The following IGFBP2 variants were observed in gnomAD, a reference collection of about 807,000 sequenced individuals.
The protein encoded by IGFBP2 is insulin-like growth factor-binding protein 2.
In IGFBP2, 12 loss-of-function variants were observed where a neutral mutation model predicts 26.2. The ratio of observed to expected loss-of-function variants is 0.46; its 90% CI spans 0.29 to 0.74. IGFBP2 has a LOEUF of 0.74. IGFBP2 is among the 30% of genes least tolerant of loss of function. IGFBP2 has a pLI of 0.09. For synonymous variants in IGFBP2, 189 were observed against 200.6 expected, an observed-to-expected ratio of 0.94 and a Z score of 0.49; for missense variants, 328 against 441.2, an observed-to-expected ratio of 0.74 and a Z score of 2.30.
At chr2:216,638,057 GCA>G (rs1212221411) in intron 1 of IGFBP2, among the ~76,000 whole-genome samples, 2 of 151,946 alleles carry the variant, frequency 1.3e-5, no homozygotes, top group African/African-American at 4.8e-5. Flanking sequence ...GCATGGTGGA[GCA>G]TGCCTGTAGT....
chr2:216,655,753 G>C (rs1386028424), intron 1 of IGFBP2, among the ~76,000 whole-genome samples: 1 of 152,000 alleles, frequency 6.6e-6, no homozygotes, highest in East Asian at 1.9e-4. Context: ...ATATTAACCA[G>C]GCGTGGTGAC....
At chr2:216,662,228 C>T (rs9341209) in intron 3 of IGFBP2, 1 of 567,548 alleles carries the variant, frequency 1.8e-6, no homozygotes, top group Admixed American at 3.1e-5. Flanking sequence ...CAGCTGCCCA[C>T]CGGCCTCACT....
intron 1 of IGFBP2, among the ~76,000 whole-genome samples, chr2:216,641,321 C>T (rs1697608869): frequency 6.6e-6 from 1 of 152,184 alleles, no homozygotes; most frequent in South Asian, 2.1e-4. Flanking sequence ...GGTGGTCTAC[C>T]ATGTACTAAT....
chr2:216,652,226 C>T (rs913431585), intron 1 of IGFBP2, among the ~76,000 whole-genome samples: 5 of 146,534 alleles, frequency 3.4e-5, no homozygotes, highest in Admixed American at 1.4e-4. Context: ...CAGGCTGGAG[C>T]GCAATGGCGC....
chr2:216,661,863 C>T lies in IGFBP2; in HGVS notation c.678C>T (p.Pro226=). ...CCTGCTGTCTGTGCGTGCAGACTCC[C>T]TGCCAACAGGAACTGGACCAGGTCC... ...KKLRPPPART[P]CQQELDQVLE... The change falls in exon 3 of 4, where the codon CCC becomes CCT. Residue 226 remains proline (P), a synonymous_variant. Transcript: ENST00000233809. 6.2e-7 allele frequency: 1 copy of T among 1,614,192 alleles called. No individual in the cohort carries two copies. The highest frequency in any genetic ancestry group is 8.5e-7 in the Non-Finnish European group (1 of 1,180,030).
In IGFBP2 at chr2:216,633,513, C is replaced by A; in HGVS notation, c.-11C>A. The A allele has an allele frequency of 1.3e-6, 1 of 767,618 alleles. No homozygotes were observed. The highest frequency in any genetic ancestry group is 1.6e-6 in the Non-Finnish European group (1 of 628,928). 47.6% of individuals were successfully genotyped at this position (767,618 alleles called of 1,614,324 possible). The stretch of plus-strand genomic sequence containing the variant: ...TCGCTCGCCCGCCGCGCCGCGCTGC[C>A]GACCGCCAGCATGCTGCCGAGAGTG... On this transcript the variant is annotated 5_prime_UTR_variant, in exon 1 of 4. Coordinates refer to ENST00000233809, the MANE Select transcript of IGFBP2 (RefSeq NM_000597.3).
At chr2:216,663,891 G>T (rs765333696) in intron 3 of IGFBP2, 49 bp from the exon 4 acceptor site, 2 of 1,577,662 alleles carry the variant, frequency 1.3e-6, no homozygotes, top group South Asian at 2.3e-5. Context: ...GGGACAGAAG[G>T]AAAGTTGCTG....
chr2:216,647,678 C>T (rs1697737271), intron 1 of IGFBP2, among the ~76,000 whole-genome samples: 1 of 152,052 alleles, frequency 6.6e-6, no homozygotes. Context: ...CACCACCACG[C>T]CTGGCTAATT....
At chr2:216,650,833 G>C (rs377065127) in intron 1 of IGFBP2, among the ~76,000 whole-genome samples, 1 of 152,300 alleles carries the variant, frequency 6.6e-6, no homozygotes, top group African/African-American at 2.4e-5. Context: ...AGAAGTGACT[G>C]GTCTGTTGCT....
intron 1 of IGFBP2, among the ~76,000 whole-genome samples, chr2:216,650,591 G>T (rs192686674): frequency 7.9e-5 from 12 of 152,328 alleles, no homozygotes; most frequent in African/African-American, 2.9e-4. Context: ...TGTTGGGCTT[G>T]CCACTCAACA....
At chr2:216,651,750 T>G (rs9341165) in intron 1 of IGFBP2, among the ~76,000 whole-genome samples, 3,562 of 152,330 alleles carry the variant, frequency 0.023, 136 homozygotes, top group African/African-American at 0.078. Flanking sequence ...AGAAATTGAT[T>G]GTTCACACAT....
At chr2:216,654,968 G>C (rs1324139347) in intron 1 of IGFBP2, among the ~76,000 whole-genome samples, 1 of 152,206 alleles carries the variant, frequency 6.6e-6, no homozygotes, top group African/African-American at 2.4e-5. Flanking sequence ...TGGAGCCAGG[G>C]TTGCATATGA....
chr2:216,651,487 T>G (rs1230875891), intron 1 of IGFBP2, among the ~76,000 whole-genome samples: 1 of 152,242 alleles, frequency 6.6e-6, no homozygotes, highest in East Asian at 1.9e-4. Context: ...CCCGCTAAAT[T>G]CTGTAAACAA....
intron 1 of IGFBP2, among the ~76,000 whole-genome samples, chr2:216,646,066 A>T (rs1697704254): frequency 6.6e-6 from 1 of 152,200 alleles, no homozygotes; most frequent in African/African-American, 2.4e-5. Flanking sequence ...GACCTATTTA[A>T]AGACACTTAT....
intron 1 of IGFBP2, among the ~76,000 whole-genome samples, 194 bp downstream of exon 1, chr2:216,634,159 C>A (rs939783106): frequency 2.6e-5 from 4 of 152,170 alleles, no homozygotes; most frequent in Admixed American, 2.0e-4. Flanking sequence ...AGTGGAAGAG[C>A]CCTGGCGACT....
intron 3 of IGFBP2, chr2:216,663,728 C>G: frequency 2.0e-6 from 1 of 507,684 alleles, no homozygotes; most frequent in Non-Finnish European, 3.5e-6. Flanking sequence ...TTGGAGCTCG[C>G]TAGCGATGCA....
chr2:216,655,954 A>C (rs931472662), intron 1 of IGFBP2, among the ~76,000 whole-genome samples: 4 of 152,122 alleles, frequency 2.6e-5, no homozygotes, highest in African/African-American at 9.7e-5. Flanking sequence ...ATAAATGCAA[A>C]TGTATTAATA....
At chr2:216,644,995 C>G (rs1014217088) in intron 1 of IGFBP2, among the ~76,000 whole-genome samples, 1 of 152,208 alleles carries the variant, frequency 6.6e-6, no homozygotes, top group African/African-American at 2.4e-5. Flanking sequence ...CATATCTTCT[C>G]AAAAATGTTC....
At chr2:216,661,016 C>A in intron 2 of IGFBP2, 1 of 568,410 alleles carries the variant, frequency 1.8e-6, no homozygotes, top group Non-Finnish European at 3.1e-6. Context: ...CCTTCTAAAA[C>A]CTTCACATTT....
Sources: allele counts gnomAD v4.1 joint callset (sites outside exome capture counted in the v4.1 genomes callset), GRCh38; gene constraint gnomAD v4.1.1; transcripts MANE v1.5; gene names NCBI Gene and HGNC (gene_info 2026-07-23, HGNC 2026-07-21).